Variants in SACM1L observed in about 807,000 individuals in gnomAD.
The protein encoded by SACM1L is SAC1 like phosphatidylinositide phosphatase.
In SACM1L, 32 loss-of-function variants were observed where a neutral mutation model predicts 89.5. That is an observed-to-expected ratio of 0.36 (90% CI 0.27 to 0.48). The LOEUF is 0.48. SACM1L is among the 20% of genes least tolerant of loss of function. The pLI is 0.99. For missense variants in SACM1L, 543 were observed against 708.5 expected (o/e 0.77, Z 2.65); for synonymous variants, 213 against 232.8 (o/e 0.92, Z 0.77).
rs866343508 is a variant in SACM1L, at chr3:45,738,576, A to G, written c.1383-2A>G. The G allele has an allele frequency of 1.3e-6, 2 of 1,596,994 alleles. No homozygotes were observed. The highest frequency in any genetic ancestry group is 2.7e-5 in the African/African-American group (2 of 74,542). Reference sequence around the variant, plus strand: ...AACTTAAAATTTAACCTCTTTAACCAGAACTGGAAAGAGAACTCATTTGGG... The same window carrying G: ...AACTTAAAATTTAACCTCTTTAACCGGAACTGGAAAGAGAACTCATTTGGG... On this transcript the variant is annotated splice_acceptor_variant, in intron 16 of 19. Coordinates refer to ENST00000389061, the MANE Select transcript of SACM1L (RefSeq NM_014016.5). LOFTEE classifies it high-confidence loss of function.
chr3:45,738,729 T>C, intron 17 of SACM1L, 52 bp from the exon 18 acceptor site: 1 of 1,513,114 alleles, frequency 6.6e-7, no homozygotes, highest in South Asian at 1.1e-5. Flanking sequence ...GCATTGTTCA[T>C]CACTAATGTT....
chr3:45,735,304 G>A lies in SACM1L; in HGVS notation c.1170G>A (p.Met390Ile). 4 of 1,613,014 alleles carry A rather than the reference G, an allele frequency of 2.5e-6. No homozygotes were observed. Among genetic ancestry groups the A allele is most frequent in the African/African-American group, 1.3e-5 (1 of 74,942 alleles). Residue 390 changes from methionine (M) to isoleucine (I), a missense_variant, in exon 14 of 20, where the codon ATG becomes ATA. Met to Ile is a conservative substitution (Grantham distance 10). Around this residue, in one of 2 missense-constraint regions of SACM1L, gnomAD observed 370 missense variants for 527.6 expected, o/e 0.70. Coordinates refer to ENST00000389061, the MANE Select transcript of SACM1L (RefSeq NM_014016.5). ...NQEGVFRSNC[M>I]DCLDRTNVIQ... ...AAGGCGTGTTCCGAAGCAATTGCAT[G>A]GATTGTCTAGATAGAACCAATGTGA...
intron 8 of SACM1L, among the ~76,000 whole-genome samples, chr3:45,721,689 A>G (rs532267832): frequency 2.2e-3 from 337 of 152,214 alleles, no homozygotes; most frequent in African/African-American, 7.5e-3. Context: ...TTTTCTTTAA[A>G]AGATGTCTCA....
intron 1 of SACM1L, among the ~76,000 whole-genome samples, chr3:45,696,402 A>G (rs568984720): frequency 2.0e-5 from 3 of 152,288 alleles, no homozygotes; most frequent in South Asian, 2.1e-4. Flanking sequence ...CTTTTTGGCT[A>G]TTGTGAGTAA....
chr3:45,705,331 T>G, intron 3 of SACM1L, 122 bp downstream of exon 3: 1 of 502,450 alleles, frequency 2.0e-6, no homozygotes, highest in Non-Finnish European at 3.6e-6. Context: ...GTAAATCTCT[T>G]GGTTAAGTAT....
At chr3:45,730,039 TTGTC>T (rs1316900800) in intron 11 of SACM1L, among the ~76,000 whole-genome samples, 1 of 152,146 alleles carries the variant, frequency 6.6e-6, no homozygotes, top group African/African-American at 2.4e-5. Flanking sequence ...TTTTAGTTGT[TTGTC>T]TGTGTTTCCC....
chr3:45,735,477 C>G, intron 14 of SACM1L, 104 bp downstream of exon 14: 1 of 1,139,866 alleles, frequency 8.8e-7, no homozygotes, highest in Non-Finnish European at 1.2e-6. Flanking sequence ...ACACCCTAAC[C>G]CAGCTCTTTT....
intron 7 of SACM1L, among the ~76,000 whole-genome samples, chr3:45,714,762 G>T (rs1698610406): frequency 1.3e-5 from 2 of 152,162 alleles, no homozygotes; most frequent in Non-Finnish European, 2.9e-5. Flanking sequence ...CTAATTGTAG[G>T]TTCATGTTAA....
chr3:45,728,541 A>G (rs1698977776), intron 11 of SACM1L, among the ~76,000 whole-genome samples: 1 of 152,244 alleles, frequency 6.6e-6, no homozygotes, highest in Non-Finnish European at 1.5e-5. Context: ...CCAGAAGCAT[A>G]TAAAAGCTCT....
At chr3:45,738,048 G>A (rs1699241145) in intron 16 of SACM1L, among the ~76,000 whole-genome samples, 1 of 152,204 alleles carries the variant, frequency 6.6e-6, no homozygotes, top group Admixed American at 6.5e-5. Flanking sequence ...GGGAGATTCT[G>A]ATGCTTGGGG....
At chr3:45,700,834 G>T (rs755967467) in intron 1 of SACM1L, among the ~76,000 whole-genome samples, 5 of 152,154 alleles carry the variant, frequency 3.3e-5, no homozygotes, top group Non-Finnish European at 5.9e-5. Flanking sequence ...ACCATGGCCA[G>T]CTAATGTTTG....
chr3:45,743,414 T>A lies in SACM1L; in HGVS notation c.1628-119T>A, dbSNP rs537612347. On this transcript the variant is annotated intron_variant, in intron 19 of 19. Coordinates refer to ENST00000389061, the MANE Select transcript of SACM1L (RefSeq NM_014016.5). ...TTAAACCTTAATTAAGAGGTTCTTA[T>A]ATTTTTCCTGTGAATGTGCTAGTAA... 14 of 1,046,062 alleles carry A rather than the reference T, an allele frequency of 1.3e-5. No individual in the cohort carries two copies. The South Asian group carries it at 2.2e-4, about 16-fold the overall frequency. The allele number at this position is 1,046,062 out of a possible 1,614,324, so 64.8% of individuals were successfully genotyped here. A position where few individuals can be genotyped will look rare whatever the true frequency, so the allele number is the denominator to read the frequency against.
Position 45,689,451 on chromosome 3 carries a change from A to G in SACM1L, c.-15A>G, listed in dbSNP as rs1404812966. On this transcript the variant is annotated 5_prime_UTR_variant, in exon 1 of 20. Coordinates refer to ENST00000389061, the MANE Select transcript of SACM1L (RefSeq NM_014016.5). Reference sequence around the variant, plus strand: ...GGGGCGGGCGGAGAGAGAAGGAAGGAGGTGGTTGTGCAGGATGGCGACGGC... The same window carrying G: ...GGGGCGGGCGGAGAGAGAAGGAAGGGGGTGGTTGTGCAGGATGGCGACGGC... The G allele has an allele frequency of 1.3e-6, 2 of 1,563,420 alleles. No homozygotes were observed. The highest frequency in any genetic ancestry group is 2.4e-5 in the South Asian group (2 of 85,098).
At chr3:45,700,150 C>T (rs1054772673) in intron 1 of SACM1L, among the ~76,000 whole-genome samples, 61 of 152,214 alleles carry the variant, frequency 4.0e-4, no homozygotes, top group African/African-American at 1.4e-3. Flanking sequence ...TATCTAGATG[C>T]AAGCCTTGTG....
chr3:45,726,882 T>G (rs1162690089), intron 11 of SACM1L, among the ~76,000 whole-genome samples: 10 of 50,108 alleles, frequency 2.0e-4, no homozygotes, highest in South Asian at 9.4e-4. Context: ...TTTTTTTTTT[T>G]TTTTTTTTTT....
chr3:45,707,046 T>G lies in SACM1L; in HGVS notation c.333+139T>G, dbSNP rs192086610. ...TATAGAGTAAGATCACTCTACCTACTTTTCTACCTAGGCATAAAAAATATT... is the reference window on the plus strand; with the variant it reads ...TATAGAGTAAGATCACTCTACCTACGTTTCTACCTAGGCATAAAAAATATT... On this transcript the variant is annotated intron_variant, in intron 4 of 19. Transcript: ENST00000389061. 1.2e-4 allele frequency: 81 copies of G among 658,772 alleles called. 1 individual carries two copies. The East Asian group carries it at 2.5e-3, about 21-fold the overall frequency. The allele number at this position is 658,772 out of a possible 1,614,324, so 40.8% of individuals were successfully genotyped here. A position where few individuals can be genotyped will look rare whatever the true frequency, so the allele number is the denominator to read the frequency against.
chr3:45,701,612 TGAA>T (rs572725819), intron 1 of SACM1L, among the ~76,000 whole-genome samples: 62 of 152,338 alleles, frequency 4.1e-4, no homozygotes, highest in African/African-American at 1.4e-3. Context: ...ATAGCTTTAT[TGAA>T]GTTTGATTGA....
At chr3:45,706,519 A>G (rs918460159) in intron 3 of SACM1L, among the ~76,000 whole-genome samples, 1 of 152,228 alleles carries the variant, frequency 6.6e-6, no homozygotes, top group African/African-American at 2.4e-5. Context: ...TCCATTTACT[A>G]AGACAAATCC....
chr3:45,728,538 C>T (rs1007485884), intron 11 of SACM1L, among the ~76,000 whole-genome samples: 12 of 152,168 alleles, frequency 7.9e-5, no homozygotes, highest in African/African-American at 2.7e-4. Context: ...ATACCAGAAG[C>T]ATATAAAAGC....
Sources: gnomAD v4.1 joint callset for allele counts (sites outside exome capture counted in the v4.1 genomes callset) on GRCh38, gnomAD v4.1.1 for gene constraint, gnomAD v4.1.1 regional missense constraint, MANE v1.5 for transcripts, NCBI Gene and HGNC (gene_info 2026-07-23, HGNC 2026-07-21) for gene names.